Variants in AKT3 observed in about 807,000 individuals in gnomAD.
AKT3 encodes AKT serine/threonine kinase 3, also known as RAC-gamma serine/threonine-protein kinase.
AKT3 carries 15 observed loss-of-function variants against 65.3 expected under a neutral mutation model. The ratio of observed to expected loss-of-function variants is 0.23; its 90% CI spans 0.15 to 0.35. The LOEUF (loss-of-function observed/expected upper bound fraction) is 0.35. Ranked by LOEUF, AKT3 falls within the 10% of genes least tolerant of loss-of-function variation. The probability of loss-of-function intolerance (pLI) is 1.00; values close to 1 mark genes in which losing one functional copy is unlikely to be tolerated. For synonymous variants in AKT3, 206 were observed against 183.8 expected (o/e 1.12, Z -0.98); for missense variants, 243 against 576.5 (o/e 0.42, Z 5.92).
At chr1:243,829,992 G>A (rs1295316587) in intron 2 of AKT3, among the ~76,000 whole-genome samples, 1 of 152,172 alleles carries the variant, frequency 6.6e-6, no homozygotes, top group Non-Finnish European at 1.5e-5. Flanking sequence ...TACGCTGTAA[G>A]AGAAACATTG....
chr1:243,788,975 A>G (rs1299858929), intron 2 of AKT3: 3 of 171,534 alleles, frequency 1.7e-5, no homozygotes, highest in Non-Finnish European at 3.6e-5. Flanking sequence ...GTATCAATTA[A>G]GTTTATGTAA....
rs576433356 is a variant in AKT3 at position 243,488,788 on chromosome 1, A to C, written c.*7-338T>G. Among the ~76,000 whole-genome samples the C allele has an allele frequency of 4.6e-5, 7 of 152,184 alleles. No individual in the cohort carries two copies. The East Asian group carries it at 1.4e-3, about 29-fold the overall frequency. On this transcript the variant is annotated intron_variant, in intron 13 of 13. Coordinates refer to the AKT3 transcript ENST00000336199. The stretch of plus-strand genomic sequence containing the variant: ...CTTATCTGCGTGTTTTCTAATTGAT[A>C]GTGTACTGAGATGGCTCCCAGTTCC...
chr1:243,529,703 T>C (rs1671394876), intron 12 of AKT3, among the ~76,000 whole-genome samples: 1 of 152,240 alleles, frequency 6.6e-6, no homozygotes, highest in Non-Finnish European at 1.5e-5. Flanking sequence ...GCCTGCAGTA[T>C]AGTTCAAAGT....
intron 12 of AKT3, among the ~76,000 whole-genome samples, chr1:243,533,783 G>C (rs1198427510): frequency 6.6e-6 from 1 of 152,178 alleles, no homozygotes; most frequent in Admixed American, 6.5e-5. Flanking sequence ...GAGGTCAGGA[G>C]ATCGAGACCA....
intron 2 of AKT3, among the ~76,000 whole-genome samples, chr1:243,706,985 G>C (rs544513391): frequency 5.3e-5 from 8 of 152,334 alleles, no homozygotes; most frequent in Non-Finnish European, 1.2e-4. Flanking sequence ...GTGAGAGACA[G>C]TGAATGCTGT....
chr1:243,766,882 T>C (rs1481369214), intron 2 of AKT3, among the ~76,000 whole-genome samples: 1 of 152,150 alleles, frequency 6.6e-6, no homozygotes, highest in Non-Finnish European at 1.5e-5. Flanking sequence ...GTCTGGTGAT[T>C]TGTCAGTAGA....
intron 12 of AKT3, among the ~76,000 whole-genome samples, chr1:243,524,527 G>T (rs1670923537): frequency 6.6e-6 from 1 of 152,226 alleles, no homozygotes; most frequent in South Asian, 2.1e-4. Context: ...GAACAGCCAT[G>T]AATTATGTTT....
In AKT3 at chr1:243,609,389, G is replaced by A. The variant is rs576965674; in HGVS notation, c.696+4282C>T. Among the ~76,000 whole-genome samples the A allele has an allele frequency of 2.4e-3, 351 of 148,696 alleles. 2 individuals carry two copies. The highest frequency in any genetic ancestry group is 8.2e-3 in the African/African-American group (331 of 40,292). ...GTGTACCAACACTGTAATTACCTAC[G>A]CATGTTAAAATTATACACCACATAC... On this transcript the variant is annotated intron_variant, in intron 8 of 13. Coordinates refer to ENST00000673466, the MANE Select transcript of AKT3 (RefSeq NM_005465.7).
intron 12 of AKT3, among the ~76,000 whole-genome samples, chr1:243,523,260 A>AGCACAC (rs1670834421): frequency 7.9e-6 from 1 of 126,402 alleles, no homozygotes; most frequent in African/African-American, 3.0e-5. Context: ...AAAAAGGACG[A>AGCACAC]ACACACACAC....
intron 2 of AKT3, among the ~76,000 whole-genome samples, chr1:243,796,187 G>A (rs528670534): frequency 3.1e-4 from 47 of 152,292 alleles, no homozygotes; most frequent in African/African-American, 1.0e-3. Flanking sequence ...GTCTCCTGTT[G>A]TAACCTCTCC....
At chr1:243,527,895 A>AAG (rs1671232953) in intron 12 of AKT3, among the ~76,000 whole-genome samples, 1 of 108,420 alleles carries the variant, frequency 9.2e-6, no homozygotes, top group African/African-American at 3.6e-5. Context: ...ACACACACAC[A>AAG]CACACACACA....
chr1:243,587,314 A>C (rs759354297), intron 8 of AKT3, among the ~76,000 whole-genome samples: 2 of 152,172 alleles, frequency 1.3e-5, no homozygotes, highest in Non-Finnish European at 2.9e-5. Flanking sequence ...AATTTCCTTA[A>C]AAAATAAAAA....
At chr1:243,724,336 C>CA (rs1687087541) in intron 2 of AKT3, among the ~76,000 whole-genome samples, 3 of 151,798 alleles carry the variant, frequency 2.0e-5, no homozygotes, top group African/African-American at 7.2e-5. Context: ...CTAACTAGTT[C>CA]AGTCAGTAAT....
chr1:243,634,595 T>C (rs770099459), intron 6 of AKT3, among the ~76,000 whole-genome samples: 80 of 151,628 alleles, frequency 5.3e-4, no homozygotes, highest in Non-Finnish European at 5.6e-4. Context: ...ACTCAAACCA[T>C]GAAAAGCAAA....
chr1:243,562,497 C>G (rs1172482216), intron 10 of AKT3, among the ~76,000 whole-genome samples: 1 of 152,118 alleles, frequency 6.6e-6, no homozygotes, highest in Admixed American at 6.6e-5. Flanking sequence ...ATAAAAATAT[C>G]TGTGAAATCA....
At chr1:243,703,329 G>A (rs1685587201) in intron 2 of AKT3, among the ~76,000 whole-genome samples, 1 of 152,144 alleles carries the variant, frequency 6.6e-6, no homozygotes, top group Non-Finnish European at 1.5e-5. Flanking sequence ...GACATTTGCA[G>A]TATTTAAAAT....
chr1:243,668,428 C>T (rs1297330400), intron 3 of AKT3, among the ~76,000 whole-genome samples: 1 of 152,066 alleles, frequency 6.6e-6, no homozygotes, highest in Non-Finnish European at 1.5e-5. Context: ...AAATTATTTT[C>T]TCACTGCTTC....
chr1:243,637,829 T>C (rs1193560444), intron 5 of AKT3, 87 bp from the exon 6 acceptor site: 2 of 915,568 alleles, frequency 2.2e-6, no homozygotes, highest in Non-Finnish European at 3.0e-6. Flanking sequence ...CAATATCCAC[T>C]CAAAACCAAA....
chr1:243,834,082 G>A (rs568969115), intron 2 of AKT3, among the ~76,000 whole-genome samples: 17 of 151,990 alleles, frequency 1.1e-4, no homozygotes, highest in Middle Eastern at 3.4e-3. Flanking sequence ...TAGTTCAGCC[G>A]CTGTGGAAAG....
Sources: allele counts gnomAD v4.1 joint callset (sites outside exome capture counted in the v4.1 genomes callset), GRCh38; gene constraint gnomAD v4.1.1; transcripts MANE v1.5; gene names NCBI Gene and HGNC (gene_info 2026-07-23, HGNC 2026-07-21).